Variants in ARFGEF3 observed in about 807,000 individuals in gnomAD.
ARFGEF3 encodes the protein brefeldin A-inhibited guanine nucleotide-exchange protein 3.
A neutral mutation model predicts 221.7 loss-of-function variants in ARFGEF3; 96 were observed. That is an observed-to-expected ratio of 0.43 (90% CI 0.37 to 0.51). The LOEUF is 0.51. ARFGEF3 is among the 20% of genes least tolerant of loss of function. The pLI, the probability that ARFGEF3 is intolerant of heterozygous loss-of-function variation, is 0.00. For synonymous variants in ARFGEF3, 1,145 were observed against 1,126.8 expected (o/e 1.02, Z -0.32); for missense variants, 2,410 against 2,789.9 (o/e 0.86, Z 3.07).
At chr6:138,167,121 T>C (rs1188166178) in intron 1 of ARFGEF3, among the ~76,000 whole-genome samples, 1 of 152,204 alleles carries the variant, frequency 6.6e-6, no homozygotes, top group Non-Finnish European at 1.5e-5. Context: ...ACTGGGCACC[T>C]GCTTTACCTT....
At chr6:138,322,192 CCTGA>C (rs1780043880) in intron 29 of ARFGEF3, among the ~76,000 whole-genome samples, 1 of 152,180 alleles carries the variant, frequency 6.6e-6, no homozygotes, top group Non-Finnish European at 1.5e-5. Context: ...ACTTTGCCTG[CCTGA>C]CTGTTTGAGC....
At chr6:138,215,854 G>A (rs941901910) in intron 4 of ARFGEF3, 4 of 112,632 alleles carry the variant, frequency 3.6e-5, no homozygotes, top group African/African-American at 1.5e-4. Flanking sequence ...GTGTGTGTGT[G>A]TGTGTGTGTG....
intron 2 of ARFGEF3, among the ~76,000 whole-genome samples, chr6:138,180,911 G>A (rs576997593): frequency 1.3e-5 from 2 of 152,316 alleles, no homozygotes; most frequent in East Asian, 3.9e-4. Context: ...AGAAATCAAG[G>A]TGCTCTGAAG....
chr6:138,307,161 A>G, intron 22 of ARFGEF3, 92 bp from the exon 23 acceptor site: 3 of 1,340,882 alleles, frequency 2.2e-6, no homozygotes, highest in Non-Finnish European at 3.1e-6. Flanking sequence ...ATTAACTCCA[A>G]AATAGGGGAC....
intron 32 of ARFGEF3, among the ~76,000 whole-genome samples, chr6:138,333,588 GCC>G (rs1780263450): frequency 6.6e-6 from 1 of 152,060 alleles, no homozygotes; most frequent in Admixed American, 6.5e-5. Flanking sequence ...GACTACAGGT[GCC>G]CGCCACCATG....
chr6:138,258,823 C>G (rs1484517710), intron 10 of ARFGEF3, among the ~76,000 whole-genome samples: 5 of 152,166 alleles, frequency 3.3e-5, no homozygotes, highest in Non-Finnish European at 7.3e-5. Flanking sequence ...TTTCTTTTCC[C>G]CTCAGAAATG....
chr6:138,243,128 G>C, intron 7 of ARFGEF3, 134 bp downstream of exon 7: 1 of 749,502 alleles, frequency 1.3e-6, no homozygotes. Flanking sequence ...GTTGTGCTTG[G>C]CTTTGCCTTA....
chr6:138,264,792 G>A (rs1040723194), intron 12 of ARFGEF3, among the ~76,000 whole-genome samples: 6 of 151,988 alleles, frequency 3.9e-5, no homozygotes, highest in Non-Finnish European at 7.4e-5. Context: ...GCTGACTGAT[G>A]TGTAACTTAA....
intron 26 of ARFGEF3, among the ~76,000 whole-genome samples, chr6:138,317,034 G>C (rs1255516663): frequency 2.0e-5 from 3 of 152,206 alleles, no homozygotes; most frequent in Non-Finnish European, 4.4e-5. Context: ...AAAGGGGAAG[G>C]AGAAGGAAAT....
chr6:138,332,185 C>T (rs1780239119), intron 32 of ARFGEF3, among the ~76,000 whole-genome samples: 1 of 152,250 alleles, frequency 6.6e-6, no homozygotes, highest in African/African-American at 2.4e-5. Context: ...GGTGGTGCTT[C>T]CTGCCAAGGA....
chr6:138,328,892 G>T (rs1244448546), intron 32 of ARFGEF3, among the ~76,000 whole-genome samples: 1 of 152,210 alleles, frequency 6.6e-6, no homozygotes, highest in Non-Finnish European at 1.5e-5. Flanking sequence ...AGCTACTCAG[G>T]AAGCTGAGGT....
rs1471282569 is a variant in ARFGEF3, at chr6:138,337,042, TAAAATAATCCAGAACACTTCA to T, written c.*560_*580del. ...ATCAAGAAAGAGGTGACTTCTGTTG[TAAAATAATCCAGAACACTTCA>T]AAATTATTCCTAAATCATTAAGATT... On this transcript the variant is annotated 3_prime_UTR_variant, in exon 34 of 34. Transcript: ENST00000251691. 6.5e-6 allele frequency: 1 copy of T among 152,674 alleles called. No individual in the cohort carries two copies. Among genetic ancestry groups the T allele is most frequent in the Non-Finnish European group, 1.5e-5 (1 of 68,046 alleles). 9.5% of individuals were successfully genotyped at this position (152,674 alleles called of 1,614,324 possible).
Position 138,334,975 on chromosome 6 carries a change from A to G in ARFGEF3, c.6129A>G (p.Lys2043=). 6.3e-7 allele frequency: 1 copy of G among 1,585,894 alleles called. No individual in the cohort carries two copies. The highest frequency in any genetic ancestry group is 8.6e-7 in the Non-Finnish European group (1 of 1,166,806). The part of the protein sequence containing the change: ...KQQHNLSAFP[K]EVKVEKKGEP... The stretch of plus-strand genomic sequence containing the variant: ...AGCACAACCTGTCCGCGTTCCCCAA[A>G]GAGGTCAAAGTGGAGAAGAAAGGAG... The change falls in exon 33 of 34, where the codon AAA becomes AAG. Residue 2043 remains lysine, a synonymous_variant. Coordinates refer to ENST00000251691, the MANE Select transcript of ARFGEF3 (RefSeq NM_020340.5). The surrounding 1 kb of genome is among the most constrained non-coding windows in gnomAD (Gnocchi z 5.1).
At chr6:138,241,848 T>C (rs1161547995) in intron 6 of ARFGEF3, among the ~76,000 whole-genome samples, 1 of 152,232 alleles carries the variant, frequency 6.6e-6, no homozygotes, top group East Asian at 1.9e-4. Flanking sequence ...CTACATATTA[T>C]CCAGCTTTAT....
chr6:138,322,419 C>A (rs1238423739), intron 29 of ARFGEF3, among the ~76,000 whole-genome samples: 1 of 152,088 alleles, frequency 6.6e-6, no homozygotes. Flanking sequence ...CATGGGAATT[C>A]AAGATGAGAT....
At chr6:138,245,185 C>T (rs912767239) in intron 7 of ARFGEF3, among the ~76,000 whole-genome samples, 4 of 152,006 alleles carry the variant, frequency 2.6e-5, no homozygotes, top group Non-Finnish European at 5.9e-5. Flanking sequence ...GCCTGTAATC[C>T]CAGCTACTTA....
At position 138,336,488 on chromosome 6, in the gene ARFGEF3, C is replaced by A; in HGVS notation, c.*2C>A. ...CGTGTCTATGACATCATTGTGTAGC[C>A]GACTCCTGTTCTACTCTCCCACCAA... is the stretch of plus-strand genomic sequence containing the variant. On this transcript the variant is annotated 3_prime_UTR_variant, in exon 34 of 34. Transcript: ENST00000251691. The A allele has an allele frequency of 2.5e-6, 4 of 1,599,854 alleles. No individual in the cohort carries two copies. The highest frequency in any genetic ancestry group is 2.3e-5 in the East Asian group (1 of 44,178).
At chr6:138,239,624 T>C (rs1244616615) in intron 6 of ARFGEF3, among the ~76,000 whole-genome samples, 5 of 143,056 alleles carry the variant, frequency 3.5e-5, no homozygotes, top group Non-Finnish European at 6.0e-5. Context: ...CACTCTAGCC[T>C]GGGTGACTGA....
intron 22 of ARFGEF3, among the ~76,000 whole-genome samples, chr6:138,305,999 G>C (rs1167049273): frequency 6.6e-6 from 1 of 152,038 alleles, no homozygotes; most frequent in South Asian, 2.1e-4. Context: ...TTTGCTCATT[G>C]TATAAAGAAA....
Sources: allele counts gnomAD v4.1 joint callset (sites outside exome capture counted in the v4.1 genomes callset), GRCh38; gene constraint gnomAD v4.1.1; non-coding constraint Gnocchi (gnomAD v3.1); transcripts MANE v1.5; gene names NCBI Gene and HGNC (gene_info 2026-07-23, HGNC 2026-07-21).